The following PLEKHA1 variants were observed in gnomAD, a reference collection of about 807,000 sequenced individuals.
PLEKHA1 encodes pleckstrin homology domain containing A1.
Under a neutral mutation model 52.0 loss-of-function variants are expected in PLEKHA1, and 34 were observed. The observed-to-expected ratio is 0.65, with a 90% CI of 0.50 to 0.87. PLEKHA1 has a LOEUF of 0.87. Ranked by LOEUF, PLEKHA1 falls within the 40% of genes least tolerant of loss-of-function variation. The pLI is 0.00. For missense variants in PLEKHA1, 497 were observed against 504.2 expected, an observed-to-expected ratio of 0.99 and a Z score of 0.14; for synonymous variants, 163 against 170.7, an observed-to-expected ratio of 0.95 and a Z score of 0.35.
intron 1 of PLEKHA1, among the ~76,000 whole-genome samples, chr10:122,377,232 G>C (rs2096550728): frequency 1.3e-5 from 2 of 152,254 alleles, no homozygotes; most frequent in African/African-American, 4.8e-5. Context: ...AATTATTTGT[G>C]ACAATAGTAA....
chr10:122,401,055 T>C (rs1340556110), intron 4 of PLEKHA1, among the ~76,000 whole-genome samples: 1 of 152,136 alleles, frequency 6.6e-6, no homozygotes, highest in Non-Finnish European at 1.5e-5. Flanking sequence ...GATGCTTACG[T>C]TGGTGGCCAG....
intron 11 of PLEKHA1, 101 bp from the exon 12 acceptor site, chr10:122,429,523 T>C: frequency 1.1e-6 from 1 of 903,096 alleles, no homozygotes; most frequent in Non-Finnish European, 1.7e-6. Context: ...TGTGTGTGTG[T>C]GTGTGTGTTT....
chr10:122,415,785 TCTA>T, intron 6 of PLEKHA1, 71 bp from the exon 7 acceptor site: 2 of 1,389,276 alleles, frequency 1.4e-6, no homozygotes, highest in South Asian at 2.9e-5. Context: ...TTTAAGATTT[TCTA>T]CTGGGATAAT....
chr10:122,432,956 C>T (rs2097425279), downstream of PLEKHA1: 1 of 152,140 alleles, frequency 6.6e-6, no homozygotes, highest in Non-Finnish European at 1.5e-5. Context: ...AAGTGTATAC[C>T]TATTTGTTAG....
intron 1 of PLEKHA1, chr10:122,386,990 A>G (rs1005522051): frequency 3.3e-5 from 5 of 152,124 alleles, no homozygotes; most frequent in African/African-American, 1.2e-4. Flanking sequence ...ATTTGTTTGC[A>G]TGAATTCTTA....
chr10:122,429,908 C>G lies in PLEKHA1; in HGVS notation c.1185C>G (p.Asp395Glu), dbSNP rs149768814. ...QEKDCDLVDL[D>E]DASLPVSDV ...AAGATTGTGACCTAGTAGACTTGGA[C>G]GATGCGAGCCTTCCGGTCAGTGACG... The change falls in exon 12 of 12, where the codon GAC (aspartate) becomes GAG (glutamate). Residue 395 changes from aspartate (D) to glutamate (E), a missense_variant. Asp to Glu is a conservative substitution (Grantham distance 45, BLOSUM62 2). Transcript: ENST00000368990. The G allele has an allele frequency of 6.0e-5, 97 of 1,613,664 alleles. No individual in the cohort carries two copies. In the African/African-American group the frequency reaches 1.2e-3, roughly 20 times the overall value.
intron 1 of PLEKHA1, among the ~76,000 whole-genome samples, chr10:122,389,947 C>G (rs1419545721): frequency 6.6e-6 from 1 of 152,158 alleles, no homozygotes; most frequent in Non-Finnish European, 1.5e-5. Flanking sequence ...TTCTCTAGAA[C>G]TGTGAAAGTC....
chr10:122,378,550 A>G (rs915276797), intron 1 of PLEKHA1, among the ~76,000 whole-genome samples: 2 of 152,118 alleles, frequency 1.3e-5, no homozygotes, highest in African/African-American at 4.8e-5. Flanking sequence ...AGCCTGGGCA[A>G]CATGACGAAA....
At position 122,431,641 on chromosome 10, in the gene PLEKHA1, A is replaced by G. The variant is rs1165556333; in HGVS notation, c.*1703A>G. On this transcript the variant is annotated 3_prime_UTR_variant, in exon 12 of 12. Transcript: ENST00000368990. ...CAGTGCAGTCCAGAGGTTAAGATGT[A>G]TTAGAATTATACAATATCAGTTTAA... 6.6e-6 allele frequency: 1 copy of G among 152,656 alleles called. No individual in the cohort carries two copies. 9.5% of individuals were successfully genotyped at this position (152,656 alleles called of 1,614,324 possible). A position where few individuals can be genotyped will look rare whatever the true frequency, so the allele number is the denominator to read the frequency against.
the PLEKHA1 span, chr10:122,441,997 A>C: frequency 6.6e-6 from 1 of 152,238 alleles, no homozygotes; most frequent in African/African-American, 2.4e-5. Context: ...TTTTTGTAGA[A>C]AAATTTTTAG....
chr10:122,438,103 A>G, the PLEKHA1 span: 4 of 152,140 alleles, frequency 2.6e-5, no homozygotes, highest in African/African-American at 9.7e-5. Context: ...AAAAAATACA[A>G]AAATTAGCAG....
chr10:122,387,841 T>C (rs1354476186), intron 1 of PLEKHA1: 1 of 152,198 alleles, frequency 6.6e-6, no homozygotes, highest in Non-Finnish European at 1.5e-5. Context: ...CTGAAGGCAG[T>C]CAGATTTCCT....
rs532811812 is a variant in PLEKHA1, at chr10:122,417,706, A to G, written c.613-194A>G. 2.0e-3 allele frequency among the ~76,000 whole-genome samples: 297 copies of G among 152,154 alleles called. 1 individual carries two copies. The highest frequency in any genetic ancestry group is 7.0e-3 in the African/African-American group (289 of 41,486). On this transcript the variant is annotated intron_variant, in intron 7 of 11. Coordinates refer to ENST00000368990, the MANE Select transcript of PLEKHA1 (RefSeq NM_001001974.4). The stretch of plus-strand genomic sequence containing the variant: ...TAAAAGATGAAAGCCAGGCACCAGA[A>G]ATTGAATTAGGAATTCAAAGCCTGG...
Position 122,403,228 on chromosome 10 carries a change from G to A in PLEKHA1, c.244+2840G>A, listed in dbSNP as rs139763215. ...TACAACAAAGGTAAAGATAGATAATGGAAAAGAGATAAAAACCATCAAGGA... is the reference window on the plus strand; with the variant it reads ...TACAACAAAGGTAAAGATAGATAATAGAAAAGAGATAAAAACCATCAAGGA... On this transcript the variant is annotated intron_variant, in intron 4 of 11. Coordinates refer to ENST00000368990, the MANE Select transcript of PLEKHA1 (RefSeq NM_001001974.4). Among the ~76,000 whole-genome samples the A allele has an allele frequency of 8.0e-3, 1,211 of 152,166 alleles. 15 individuals carry two copies. Among genetic ancestry groups the A allele is most frequent in the African/African-American group, 0.027 (1,115 of 41,508 alleles).
At chr10:122,417,219 A>G (rs770805818) in intron 7 of PLEKHA1, among the ~76,000 whole-genome samples, 2 of 152,126 alleles carry the variant, frequency 1.3e-5, no homozygotes, top group Non-Finnish European at 2.9e-5. Context: ...GGAAGAATTC[A>G]TATGTTTTTA....
intron 7 of PLEKHA1, among the ~76,000 whole-genome samples, chr10:122,417,564 G>A (rs2097195850): frequency 6.7e-6 from 1 of 149,090 alleles, no homozygotes; most frequent in African/African-American, 2.5e-5. Context: ...CAGGAGAATT[G>A]CTTGAACCCA....
At position 122,424,234 on chromosome 10, in the gene PLEKHA1, G is replaced by A; in HGVS notation, c.717G>A (p.Glu239=). The A allele has an allele frequency of 6.4e-7, 1 of 1,572,974 alleles. No individual in the cohort carries two copies. Among genetic ancestry groups the A allele is most frequent in the Non-Finnish European group, 8.6e-7 (1 of 1,164,198 alleles). The change falls in exon 9 of 12, where the codon GAG becomes GAA. Residue 239 remains glutamate, a synonymous_variant. Transcript: ENST00000368990. ...CTCTTCGTGTAATACCACTTAAAGA[G>A]GTTCATAAAGTCCAGGAATGTAAGC... ...KEPLRVIPLK[E]VHKVQECKQS... is the part of the protein sequence containing the mutation.
chr10:122,414,902 T>A (rs2097152252), intron 6 of PLEKHA1, among the ~76,000 whole-genome samples: 5 of 150,894 alleles, frequency 3.3e-5, no homozygotes, highest in South Asian at 2.1e-4. Context: ...GTTTTTTTTT[T>A]AATAATAAAA....
At chr10:122,386,156 G>A (rs1011766187) in intron 1 of PLEKHA1, among the ~76,000 whole-genome samples, 2 of 151,830 alleles carry the variant, frequency 1.3e-5, no homozygotes, top group East Asian at 3.9e-4. Context: ...TGTTGTCAGG[G>A]TTTTTTTTGT....
Sources: gnomAD v4.1 joint callset for allele counts (sites outside exome capture counted in the v4.1 genomes callset) on GRCh38, gnomAD v4.1.1 for gene constraint, MANE v1.5 for transcripts, NCBI Gene and HGNC (gene_info 2026-07-23, HGNC 2026-07-21) for gene names.